Variants in ROCK2 observed in about 807,000 individuals in gnomAD.
The protein encoded by ROCK2 is rho-associated protein kinase 2.
ROCK2 carries 61 observed loss-of-function variants against 195.1 expected under a neutral mutation model. The observed-to-expected ratio is 0.31, with a 90% confidence interval of 0.25 to 0.39. ROCK2 has a LOEUF of 0.39. Among genes scored for constraint, ROCK2 ranks in the 10% least tolerant of loss-of-function variants. The pLI is 1.00. For missense variants in ROCK2, 1,109 were observed against 1,637.4 expected, an observed-to-expected ratio of 0.68 and a Z score of 5.57; for synonymous variants, 504 against 545.5, an observed-to-expected ratio of 0.92 and a Z score of 1.06.
chr2:11,330,825 AGGGGGAGGAAGAGGG>A (rs1668710748), intron 1 of ROCK2, among the ~76,000 whole-genome samples: 1 of 3,964 alleles, frequency 2.5e-4, no homozygotes, highest in Non-Finnish European at 8.0e-4. Context: ...GGGGAGGAGG[AGGGGGAGGAAGAGGG>A]AGGAGGAGGG....
At chr2:11,278,274 C>G (rs928739884) in intron 3 of ROCK2, among the ~76,000 whole-genome samples, 1 of 152,218 alleles carries the variant, frequency 6.6e-6, no homozygotes, top group Non-Finnish European at 1.5e-5. Flanking sequence ...TCCATGCACT[C>G]AGCTTTTCTG....
intron 9 of ROCK2, among the ~76,000 whole-genome samples, chr2:11,220,547 A>G (rs1444107523): frequency 6.6e-6 from 1 of 152,190 alleles, no homozygotes; most frequent in East Asian, 1.9e-4. Context: ...CAGAGACTAC[A>G]GGCAAGAAAA....
At chr2:11,219,741 A>C (rs1664563334) in intron 9 of ROCK2, among the ~76,000 whole-genome samples, 2 of 151,616 alleles carry the variant, frequency 1.3e-5, no homozygotes, top group African/African-American at 2.4e-5. Context: ...CTTCTCAAAT[A>C]TCTTTAATGC....
chr2:11,333,112 T>A (rs147920628), intron 1 of ROCK2, among the ~76,000 whole-genome samples: 202 of 152,334 alleles, frequency 1.3e-3, no homozygotes, highest in African/African-American at 4.7e-3. Context: ...CTAAAAATCA[T>A]TATATTGTAC....
chr2:11,235,102 G>T lies in ROCK2; in HGVS notation c.723+600C>A, dbSNP rs80225509. Among the ~76,000 whole-genome samples, 897 of 152,230 alleles carry T rather than the reference G, an allele frequency of 5.9e-3. 2 individuals carry two copies. Among genetic ancestry groups the T allele is most frequent in the African/African-American group, 0.021 (868 of 41,558 alleles). On this transcript the variant is annotated intron_variant, in intron 5 of 32. Transcript: ENST00000315872. This position sits in a 1 kb window ranked among gnomAD's most constrained non-coding sequence, Gnocchi z 4.2. ...AAGAATTACTTACTGCACACTTACA[G>T]AGAAAAGGGCAAGATATATAAATTT...
At chr2:11,221,010 A>G (rs1664619672) in intron 9 of ROCK2, among the ~76,000 whole-genome samples, 188 bp downstream of exon 9, 2 of 152,238 alleles carry the variant, frequency 1.3e-5, no homozygotes, top group Non-Finnish European at 2.9e-5. Context: ...GTGTCTTGCA[A>G]TAACTTATAA....
intron 7 of ROCK2, among the ~76,000 whole-genome samples, chr2:11,222,608 A>G (rs148291151): frequency 6.6e-6 from 1 of 152,292 alleles, no homozygotes; most frequent in African/African-American, 2.4e-5. Flanking sequence ...AAGAATGCAT[A>G]TATTATGTTT....
At chr2:11,343,303 C>G (rs1231788083) in intron 1 of ROCK2, among the ~76,000 whole-genome samples, 1 of 152,178 alleles carries the variant, frequency 6.6e-6, no homozygotes, top group East Asian at 1.9e-4. Flanking sequence ...CAATTAGCAG[C>G]CTTTACGGTG....
At chr2:11,297,525 C>T (rs565373084) in intron 1 of ROCK2, among the ~76,000 whole-genome samples, 35 of 152,148 alleles carry the variant, frequency 2.3e-4, no homozygotes, top group Admixed American at 3.9e-4. Flanking sequence ...TTTCACTATT[C>T]GCCGCCTCCT....
intron 4 of ROCK2, among the ~76,000 whole-genome samples, chr2:11,240,173 C>T (rs1439047885): frequency 1.3e-5 from 2 of 152,180 alleles, no homozygotes; most frequent in Admixed American, 6.5e-5. Context: ...CTAATCCTCC[C>T]CCAATACCTC....
intron 3 of ROCK2, among the ~76,000 whole-genome samples, chr2:11,260,620 GTAT>G (rs999972529): frequency 2.0e-5 from 3 of 152,028 alleles, no homozygotes; most frequent in African/African-American, 4.8e-5. Context: ...AATTTATACA[GTAT>G]TATTACCTAT....
intron 1 of ROCK2, among the ~76,000 whole-genome samples, chr2:11,296,389 C>A (rs984770552): frequency 6.6e-6 from 1 of 152,100 alleles, no homozygotes; most frequent in Non-Finnish European, 1.5e-5. Flanking sequence ...GTCTTCCCAG[C>A]CTGTTTCTAG....
chr2:11,299,928 C>G (rs1414616603), intron 1 of ROCK2, among the ~76,000 whole-genome samples: 1 of 152,126 alleles, frequency 6.6e-6, no homozygotes, highest in Non-Finnish European at 1.5e-5. Context: ...TTTTAACAAC[C>G]TTTTAAATAT....
chr2:11,242,429 G>C (rs569846487), intron 4 of ROCK2, among the ~76,000 whole-genome samples: 1 of 152,124 alleles, frequency 6.6e-6, no homozygotes, highest in South Asian at 2.1e-4. Flanking sequence ...GACCATTCAC[G>C]TGTGAGGATG....
chr2:11,341,769 C>A (rs1669113775), intron 1 of ROCK2, among the ~76,000 whole-genome samples: 1 of 152,060 alleles, frequency 6.6e-6, no homozygotes, highest in African/African-American at 2.4e-5. Flanking sequence ...GAAATGCAAC[C>A]TAAATGCTAA....
intron 1 of ROCK2, among the ~76,000 whole-genome samples, chr2:11,317,587 T>TAAAAAAAAAAAAAAAA (rs1553317367): frequency 8.0e-5 from 1 of 12,448 alleles, no homozygotes; most frequent in African/African-American, 2.7e-4. Context: ...TATATATATA[T>TAAAAAAAAAAAAAAAA]ATATATATAT....
intron 3 of ROCK2, among the ~76,000 whole-genome samples, chr2:11,285,837 A>T (rs1043031308): frequency 6.6e-6 from 1 of 152,140 alleles, no homozygotes; most frequent in Non-Finnish European, 1.5e-5. Flanking sequence ...AAAAAGGAAC[A>T]AAAAGAAACA....
intron 3 of ROCK2, among the ~76,000 whole-genome samples, chr2:11,269,827 AGGAGCCTTG>A (rs1274971948): frequency 1.3e-5 from 2 of 152,124 alleles, no homozygotes; most frequent in African/African-American, 4.8e-5. Flanking sequence ...CATGGCTCAC[AGGAGCCTTG>A]ACCTCCCAGG....
At chr2:11,307,045 TACC>T (rs1043122679) in intron 1 of ROCK2, among the ~76,000 whole-genome samples, 5 of 152,326 alleles carry the variant, frequency 3.3e-5, no homozygotes, top group African/African-American at 9.6e-5. Flanking sequence ...GATATTTCAT[TACC>T]ACGTTTCCTT....
Sources: allele counts gnomAD v4.1 joint callset (sites outside exome capture counted in the v4.1 genomes callset), GRCh38; gene constraint gnomAD v4.1.1; non-coding constraint Gnocchi (gnomAD v3.1); transcripts MANE v1.5; gene names NCBI Gene and HGNC (gene_info 2026-07-23, HGNC 2026-07-21).